The following CPAP variants were observed in gnomAD, a reference collection of about 807,000 sequenced individuals.
CPAP encodes centrosomal P4.1-associated protein.
chr13:24,919,489 G>C, the CPAP span, among the ~76,000 whole-genome samples: 3 of 151,462 alleles, frequency 2.0e-5, no homozygotes, highest in Non-Finnish European at 2.9e-5. Flanking sequence ...GCATGATCAC[G>C]GCTCAGTGGA....
chr13:24,913,658 A>G, the CPAP span, among the ~76,000 whole-genome samples: 1 of 152,222 alleles, frequency 6.6e-6, no homozygotes, highest in Non-Finnish European at 1.5e-5. Context: ...TCTAGCACTC[A>G]TCTCATTATT....
chr13:24,883,378 T>C, the CPAP span: 1 of 1,577,904 alleles, frequency 6.3e-7, no homozygotes, highest in Non-Finnish European at 8.6e-7. Flanking sequence ...CACTGTAAAA[T>C]TTAAAAAAAA....
the CPAP span, chr13:24,905,826 TATC>T: frequency 1.2e-6 from 2 of 1,614,070 alleles, no homozygotes; most frequent in African/African-American, 2.7e-5. Flanking sequence ...AAAGGCCCCT[TATC>T]ATCACAGACT....
chr13:24,912,272 G>A, the CPAP span, among the ~76,000 whole-genome samples: 1 of 151,948 alleles, frequency 6.6e-6, no homozygotes, highest in African/African-American at 2.4e-5. Flanking sequence ...TCTCAACTAA[G>A]AAACCGAAAC....
the CPAP span, among the ~76,000 whole-genome samples, chr13:24,914,989 C>T: frequency 6.6e-6 from 1 of 151,864 alleles, no homozygotes; most frequent in Non-Finnish European, 1.5e-5. Context: ...GCGGGAGAAT[C>T]GCCTGAACCT....
At chr13:24,886,638 C>CTGTT in the CPAP span, among the ~76,000 whole-genome samples, 1 of 152,166 alleles carries the variant, frequency 6.6e-6, no homozygotes, top group Admixed American at 6.5e-5. Context: ...CAGGAGTGCT[C>CTGTT]TGTTTGGGAT....
At chr13:24,883,126 T>C in the CPAP span, 1 of 1,470,924 alleles carries the variant, frequency 6.8e-7, no homozygotes, top group Non-Finnish European at 9.5e-7. Context: ...AAATGTACAT[T>C]TTTTAACATA....
chr13:24,894,744 G>T, the CPAP span, among the ~76,000 whole-genome samples: 125 of 152,280 alleles, frequency 8.2e-4, no homozygotes, highest in African/African-American at 2.9e-3. Context: ...GGCTCCGTGG[G>T]CGGGACACGG....
the CPAP span, chr13:24,933,478 G>A: frequency 2.0e-5 from 4 of 203,996 alleles, no homozygotes; most frequent in African/African-American, 4.6e-5. Flanking sequence ...TGCAAAAAGC[G>A]CACTGTCGTC....
At chr13:24,904,813 T>C in the CPAP span, among the ~76,000 whole-genome samples, 3 of 152,226 alleles carry the variant, frequency 2.0e-5, no homozygotes, top group Non-Finnish European at 2.9e-5. Flanking sequence ...TCTGCTAGTT[T>C]ATAATATAAT....
the CPAP span, among the ~76,000 whole-genome samples, chr13:24,919,711 C>T: frequency 4.6e-5 from 7 of 152,028 alleles, no homozygotes; most frequent in South Asian, 6.2e-4. Context: ...TGAGCCCCTG[C>T]GCCCAGTATT....
chr13:24,884,059 T>C, the CPAP span: 20 of 1,613,670 alleles, frequency 1.2e-5, no homozygotes, highest in South Asian at 2.2e-4. Context: ...CGTGATTTCT[T>C]TTCTTCCATC....
the CPAP span, chr13:24,883,911 A>G: frequency 6.2e-7 from 1 of 1,612,468 alleles, no homozygotes; most frequent in African/African-American, 1.3e-5. Flanking sequence ...CTGAGCACAG[A>G]TGAACAGGTG....
At chr13:24,905,606 A>T in the CPAP span, 470 of 1,614,046 alleles carry the variant, frequency 2.9e-4, 1 homozygote, top group Admixed American at 6.8e-4. Flanking sequence ...CCCAAGAACA[A>T]CATCATGGTT....
the CPAP span, among the ~76,000 whole-genome samples, chr13:24,896,336 T>C: frequency 6.6e-6 from 1 of 152,238 alleles, no homozygotes; most frequent in African/African-American, 2.4e-5. Context: ...AACAAGCCCC[T>C]TGAATGGGCA....
the CPAP span, among the ~76,000 whole-genome samples, chr13:24,908,969 G>A: frequency 6.6e-6 from 1 of 152,020 alleles, no homozygotes; most frequent in East Asian, 1.9e-4. Flanking sequence ...AAATGGTTCA[G>A]CAAATTATAC....
At chr13:24,906,621 A>G in the CPAP span, 12 of 1,614,206 alleles carry the variant, frequency 7.4e-6, no homozygotes, top group South Asian at 5.5e-5. Flanking sequence ...TGTATTTTCA[A>G]TCCTGACGGA....
chr13:24,908,943 C>A, the CPAP span, among the ~76,000 whole-genome samples: 1 of 152,262 alleles, frequency 6.6e-6, no homozygotes, highest in South Asian at 2.1e-4. Context: ...AAGATACCTG[C>A]ATATTATTTT....
chr13:24,890,897 T>C, the CPAP span, among the ~76,000 whole-genome samples: 2 of 152,052 alleles, frequency 1.3e-5, no homozygotes, highest in Admixed American at 6.5e-5. Context: ...TTCCACTTCC[T>C]CCTGCGTCAA....
Sources: allele counts gnomAD v4.1 joint callset (sites outside exome capture counted in the v4.1 genomes callset), GRCh38; gene constraint gnomAD v4.1.1; transcripts MANE v1.5; gene names NCBI Gene and HGNC (gene_info 2026-07-23, HGNC 2026-07-21).